FHOD3: variants seen among roughly 807,000 people sequenced by gnomAD.
FHOD3 encodes the protein FH1/FH2 domain-containing protein 3.
In FHOD3, 90 loss-of-function variants were observed where a neutral mutation model predicts 173.0. The observed-to-expected ratio is 0.52, with a 90% confidence interval of 0.44 to 0.62. The LOEUF is 0.62. Ranked by LOEUF, FHOD3 falls within the 20% of genes least tolerant of loss-of-function variation. The probability of loss-of-function intolerance (pLI) is 0.00; values close to 1 mark genes in which losing one functional copy is unlikely to be tolerated. For synonymous variants in FHOD3, 828 were observed against 823.0 expected (o/e 1.01, Z -0.10); for missense variants, 1,945 against 2,034.7 (o/e 0.96, Z 0.85).
intron 24 of FHOD3, among the ~76,000 whole-genome samples, chr18:36,749,001 C>T (rs373774126): frequency 3.0e-4 from 46 of 151,016 alleles, no homozygotes; most frequent in African/African-American, 1.1e-3. Flanking sequence ...GGACCCTATT[C>T]AGGGCCTTAC....
At chr18:36,717,621 A>T (rs1428110555) in intron 18 of FHOD3, among the ~76,000 whole-genome samples, 2 of 152,108 alleles carry the variant, frequency 1.3e-5, no homozygotes, top group Non-Finnish European at 2.9e-5. Context: ...TCATGCCTGG[A>T]AGAGTCTTGG....
chr18:36,408,325 C>T lies in FHOD3; in HGVS notation c.337+35581C>T, dbSNP rs73949484. ...CCATCAACCTGGTGAGACACAGTCT[C>T]AGTTAGTGGGGTGTGTAGGGCAGGT... On this transcript the variant is annotated intron_variant, in intron 3 of 28. Coordinates refer to ENST00000590592, the MANE Select transcript of FHOD3 (RefSeq NM_001281740.3). Among the ~76,000 whole-genome samples, 480 of 152,312 alleles carry T rather than the reference C, an allele frequency of 3.2e-3. 3 individuals are homozygous for T. Among genetic ancestry groups the T allele is most frequent in the African/African-American group, 0.011 (452 of 41,562 alleles).
chr18:36,523,912 A>G (rs2056391780), intron 5 of FHOD3, among the ~76,000 whole-genome samples: 2 of 152,226 alleles, frequency 1.3e-5, no homozygotes, highest in South Asian at 4.1e-4. Flanking sequence ...AGCTTCAAAG[A>G]AGGCTATCTG....
At chr18:36,641,153 A>T (rs997716848) in intron 10 of FHOD3, among the ~76,000 whole-genome samples, 1 of 151,994 alleles carries the variant, frequency 6.6e-6, no homozygotes, top group African/African-American at 2.4e-5. Context: ...TACTTATTGG[A>T]TGTCCCTTGG....
chr18:36,541,404 C>T (rs2057213117), intron 5 of FHOD3, among the ~76,000 whole-genome samples: 1 of 151,832 alleles, frequency 6.6e-6, no homozygotes, highest in African/African-American at 2.4e-5. Context: ...CAAAATGAGA[C>T]CCTGTCTCTA....
At chr18:36,320,155 A>G (rs1271094075) in intron 1 of FHOD3, among the ~76,000 whole-genome samples, 1 of 152,226 alleles carries the variant, frequency 6.6e-6, no homozygotes. Context: ...AAGGAGATAG[A>G]GACACAAAAA....
chr18:36,382,974 CTGTG>C (rs1302027733), intron 3 of FHOD3, among the ~76,000 whole-genome samples: 1 of 152,220 alleles, frequency 6.6e-6, no homozygotes, highest in African/African-American at 2.4e-5. Flanking sequence ...GCTGCCCTGT[CTGTG>C]TGACTGTCAT....
At chr18:36,397,145 G>A (rs746235823) in intron 3 of FHOD3, among the ~76,000 whole-genome samples, 2 of 152,174 alleles carry the variant, frequency 1.3e-5, no homozygotes, top group Non-Finnish European at 2.9e-5. Flanking sequence ...TGGGACCATT[G>A]ACTTACCTAG....
intron 1 of FHOD3, among the ~76,000 whole-genome samples, chr18:36,354,972 GACTT>G (rs2145752604): frequency 6.6e-6 from 1 of 152,254 alleles, no homozygotes; most frequent in East Asian, 1.9e-4. Context: ...GAGCAAGAGA[GACTT>G]AATTTCCTGT....
intron 5 of FHOD3, among the ~76,000 whole-genome samples, chr18:36,553,322 T>A (rs895778336): frequency 4.8e-4 from 73 of 152,352 alleles, no homozygotes; most frequent in African/African-American, 1.7e-3. Flanking sequence ...ATCAGGATGA[T>A]GCTGGCCTCA....
chr18:36,331,023 T>C (rs954158139), intron 1 of FHOD3, among the ~76,000 whole-genome samples: 2 of 152,166 alleles, frequency 1.3e-5, no homozygotes, highest in African/African-American at 4.8e-5. Flanking sequence ...GTTCTGATGA[T>C]AGCCAGATCC....
rs570796381 is a variant in FHOD3 at position 36,548,893 on chromosome 18, G to A, written c.512-27558G>A. On this transcript the variant is annotated intron_variant, in intron 5 of 28. Coordinates refer to ENST00000590592, the MANE Select transcript of FHOD3 (RefSeq NM_001281740.3). ...AAATAAAGCCTTTGTGAACATCAGC[G>A]TACAAGTGTTTGTATGGAGATGTTT... 9.9e-5 allele frequency among the ~76,000 whole-genome samples: 15 copies of A among 152,222 alleles called. 1 individual carries two copies. The highest frequency in any genetic ancestry group is 2.2e-4 in the African/African-American group (9 of 41,540).
chr18:36,549,532 C>CTTTTTTTT lies in FHOD3; in HGVS notation c.512-26903_512-26896dup, dbSNP rs386387404. 8.4e-4 allele frequency among the ~76,000 whole-genome samples: 60 copies of CTTTTTTTT among 71,232 alleles called. 4 individuals carry two copies. The highest frequency in any genetic ancestry group is 2.1e-3 in the African/African-American group (36 of 17,442). 46.7% of individuals were successfully genotyped at this position (71,232 alleles called of 152,430 possible). ...ACATTTAGTGTCAGATCTAAGAAATCTTTTTTTTTTTTTTTTTTTTTTTGA... is the reference window on the plus strand; with the variant it reads ...ACATTTAGTGTCAGATCTAAGAAATCTTTTTTTTTTTTTTTTTTTTTTTTTTTTTTTGA... On this transcript the variant is annotated intron_variant, in intron 5 of 28. Coordinates refer to ENST00000590592, the MANE Select transcript of FHOD3 (RefSeq NM_001281740.3).
intron 1 of FHOD3, among the ~76,000 whole-genome samples, chr18:36,299,519 G>C (rs2144321052): frequency 6.6e-6 from 1 of 152,310 alleles, no homozygotes; most frequent in African/African-American, 2.4e-5. Context: ...TTGTGGCCCT[G>C]TGACCTTGAA....
chr18:36,663,317 G>A (rs1256282064), intron 14 of FHOD3, among the ~76,000 whole-genome samples: 1 of 152,188 alleles, frequency 6.6e-6, no homozygotes, highest in Non-Finnish European at 1.5e-5. Context: ...AGGAAGGGAG[G>A]TTTGTTTATG....
chr18:36,330,211 G>T (rs1457136868), intron 1 of FHOD3, among the ~76,000 whole-genome samples: 1 of 152,162 alleles, frequency 6.6e-6, no homozygotes, highest in South Asian at 2.1e-4. Flanking sequence ...TCATTCTTTG[G>T]CAGTGACCCC....
chr18:36,368,302 C>T (rs1000701516), intron 2 of FHOD3, among the ~76,000 whole-genome samples: 8 of 152,084 alleles, frequency 5.3e-5, no homozygotes, highest in Admixed American at 2.6e-4. Context: ...ACATCTCATA[C>T]GTATGTATGA....
chr18:36,614,442 T>C (rs931712629), intron 9 of FHOD3, among the ~76,000 whole-genome samples: 1 of 152,232 alleles, frequency 6.6e-6, no homozygotes, highest in African/African-American at 2.4e-5. Context: ...CTATTATGAA[T>C]AATGCTGTTG....
Position 36,687,138 on chromosome 18 carries a change from T to G in FHOD3, c.1981T>G (p.Leu661Val), listed in dbSNP as rs753380165. ...ACATATTTCCATTAGCCGAGATTAT[T>G]TAGACAAAAGAGAGGAGCAAAGGCA... ...EERNKFSRDY[L>V]DKREEQRQAR... The change falls in exon 16 of 29, where the codon TTA becomes GTA. Residue 661 changes from leucine to valine, a missense_variant. Transcript: ENST00000590592. The G allele has an allele frequency of 1.9e-5, 30 of 1,611,070 alleles. No homozygotes were observed. The highest frequency in any genetic ancestry group is 2.5e-5 in the Non-Finnish European group (29 of 1,177,718).
Sources: allele counts gnomAD v4.1 joint callset (sites outside exome capture counted in the v4.1 genomes callset), GRCh38; gene constraint gnomAD v4.1.1; transcripts MANE v1.5; gene names NCBI Gene and HGNC (gene_info 2026-07-23, HGNC 2026-07-21).